The following NKD1 variants were observed in gnomAD, a reference collection of about 807,000 sequenced individuals.
NKD1 encodes the protein NKD inhibitor of Wnt signaling pathway 1.
Under a neutral mutation model 56.0 loss-of-function variants are expected in NKD1, and 21 were observed. That is an observed-to-expected ratio of 0.38 (90% CI 0.27 to 0.54). The LOEUF is 0.54. Among genes scored for constraint, NKD1 ranks in the 20% least tolerant of loss-of-function variants. The probability of loss-of-function intolerance (pLI) is 0.82; values close to 1 mark genes in which losing one functional copy is unlikely to be tolerated. For missense variants in NKD1, 578 were observed against 642.7 expected, an observed-to-expected ratio of 0.90 and a Z score of 1.09; for synonymous variants, 263 against 265.7, an observed-to-expected ratio of 0.99 and a Z score of 0.10.
chr16:50,571,643 G>A (rs1193317333), intron 3 of NKD1: 3 of 477,216 alleles, frequency 6.3e-6, no homozygotes, highest in African/African-American at 4.2e-5. Context: ...GCTGCCAGAT[G>A]GACACCTTTC....
chr16:50,587,158 C>G (rs1961248221), intron 3 of NKD1, among the ~76,000 whole-genome samples: 1 of 152,186 alleles, frequency 6.6e-6, no homozygotes, highest in South Asian at 2.1e-4. Flanking sequence ...TTCTGGTCAT[C>G]CCTATACCAG....
chr16:50,575,903 C>T (rs1478961110), intron 3 of NKD1, among the ~76,000 whole-genome samples: 1 of 152,128 alleles, frequency 6.6e-6, no homozygotes, highest in Non-Finnish European at 1.5e-5. Flanking sequence ...GTGCTGCTGG[C>T]CTCTAGCAGG....
chr16:50,640,258 GC>G lies in NKD1; in HGVS notation c.*6480del, dbSNP rs895460559. The G allele has an allele frequency of 6.6e-6, 1 of 152,244 alleles. No homozygotes were observed. The highest frequency in any genetic ancestry group is 2.4e-5 in the African/African-American group (1 of 41,436). 9.4% of individuals were successfully genotyped at this position (152,244 alleles called of 1,614,324 possible). ...AGCAGGAAGACCAAGACCTTCAGGG[GC>G]CCTAAGCACTGAAAACATCATTCCT... On this transcript the variant is annotated 3_prime_UTR_variant, in exon 10 of 10. Coordinates refer to ENST00000268459, the MANE Select transcript of NKD1 (RefSeq NM_033119.5).
chr16:50,612,352 C>G (rs1258367843), intron 4 of NKD1, among the ~76,000 whole-genome samples: 3 of 152,190 alleles, frequency 2.0e-5, no homozygotes, highest in African/African-American at 7.2e-5. Context: ...AGGGAAGTGA[C>G]CTGTCCAGGG....
chr16:50,597,850 G>A (rs1267144549), intron 3 of NKD1, among the ~76,000 whole-genome samples: 1 of 152,186 alleles, frequency 6.6e-6, no homozygotes, highest in Non-Finnish European at 1.5e-5. Flanking sequence ...GCGAACTGCT[G>A]AGTTTCAGAA....
At position 50,636,101 on chromosome 16, in the gene NKD1, G is replaced by C. The variant is rs1476573910; in HGVS notation, c.*2320G>C. ...GCAGGATTCTGCTTGGCTGGGCTTC[G>C]ATCTGGTACCCATAGCTGGACCAAT... On this transcript the variant is annotated 3_prime_UTR_variant, in exon 10 of 10. Transcript: ENST00000268459. The C allele has an allele frequency of 6.6e-6, 1 of 152,240 alleles. No homozygotes were observed. The highest frequency in any genetic ancestry group is 1.5e-5 in the Non-Finnish European group (1 of 68,060). The allele number at this position is 152,240 out of a possible 1,614,324, so 9.4% of individuals were successfully genotyped here.
At chr16:50,579,646 G>A (rs1267392618) in intron 3 of NKD1, among the ~76,000 whole-genome samples, 19 of 139,122 alleles carry the variant, frequency 1.4e-4, no homozygotes, top group Non-Finnish European at 2.8e-4. Flanking sequence ...TTACTCCTGC[G>A]GGGTACCCGC....
At chr16:50,592,351 C>T (rs1024561131) in intron 3 of NKD1, among the ~76,000 whole-genome samples, 3 of 152,236 alleles carry the variant, frequency 2.0e-5, no homozygotes, top group African/African-American at 4.8e-5. Context: ...TAGCCCTGCC[C>T]CATGCCCTCC....
At chr16:50,614,005 G>T (rs886511655) in intron 4 of NKD1, among the ~76,000 whole-genome samples, 22 of 152,116 alleles carry the variant, frequency 1.4e-4, no homozygotes, top group Admixed American at 1.2e-3. Flanking sequence ...AGTTACAATT[G>T]GTCCATAAGC....
chr16:50,632,496 T>C lies in NKD1; in HGVS notation c.823+88T>C. 7.6e-7 allele frequency: 1 copy of C among 1,318,604 alleles called. No homozygotes were observed. The highest frequency in any genetic ancestry group is 1.1e-6 in the Non-Finnish European group (1 of 925,264). The allele number at this position is 1,318,604 out of a possible 1,614,324, so 81.7% of individuals were successfully genotyped here. A position where few individuals can be genotyped will look rare whatever the true frequency, so the allele number is the denominator to read the frequency against. ...GGGCCGTGCGGGTGGTGTTCACTGC[T>C]ACCCCAGGCTTCGGTAAGACAACTA... On this transcript the variant is annotated intron_variant, in intron 9 of 9. Coordinates refer to ENST00000268459, the MANE Select transcript of NKD1 (RefSeq NM_033119.5). The surrounding 1 kb of genome is among the most constrained non-coding windows in gnomAD (Gnocchi z 4.1).
In NKD1 at chr16:50,634,243, T is replaced by TTATA. The variant is rs1347988218; in HGVS notation, c.*464_*465insTATA. The TTATA allele has an allele frequency of 1.3e-5, 2 of 154,768 alleles. No individual in the cohort carries two copies. The highest frequency in any genetic ancestry group is 2.9e-5 in the Non-Finnish European group (2 of 69,486). 9.6% of individuals were successfully genotyped at this position (154,768 alleles called of 1,614,324 possible). On this transcript the variant is annotated 3_prime_UTR_variant, in exon 10 of 10. Coordinates refer to ENST00000268459, the MANE Select transcript of NKD1 (RefSeq NM_033119.5). ...GTATTATTCTGATTTTATTTTGCCCTTAACTGATTGTTATATGCTACAAGG... is the reference window on the plus strand; with the variant it reads ...GTATTATTCTGATTTTATTTTGCCCTTATATAACTGATTGTTATATGCTACAAGG...
chr16:50,571,529 C>T (rs528748809), intron 3 of NKD1: 7 of 985,360 alleles, frequency 7.1e-6, no homozygotes, highest in South Asian at 4.7e-5. Context: ...GACCCATCTG[C>T]GCTCCCAGCC....
In NKD1 at chr16:50,644,844, C is replaced by T. The variant is rs946702702; in HGVS notation, c.*11063C>T. 6.6e-6 allele frequency: 1 copy of T among 152,370 alleles called. No individual in the cohort carries two copies. The highest frequency in any genetic ancestry group is 1.5e-5 in the Non-Finnish European group (1 of 68,080). The allele number at this position is 152,370 out of a possible 1,614,324, so 9.4% of individuals were successfully genotyped here. ...TCCCGCCTTCCCTTCCTTCCCTCCT[C>T]CCTCCTTTCTTCACTGGGGAGAAAG... is the stretch of plus-strand genomic sequence containing the variant. On this transcript the variant is annotated 3_prime_UTR_variant, in exon 10 of 10. Coordinates refer to ENST00000268459, the MANE Select transcript of NKD1 (RefSeq NM_033119.5).
In NKD1 at chr16:50,637,670, G is replaced by A. The variant is rs928854108; in HGVS notation, c.*3889G>A. On this transcript the variant is annotated 3_prime_UTR_variant, in exon 10 of 10. Coordinates refer to ENST00000268459, the MANE Select transcript of NKD1 (RefSeq NM_033119.5). ...GAAGGAAGGAGGGAAAATTAGAAGG[G>A]GAAACCATGATTGCTGGTGAGGTTT... is the stretch of plus-strand genomic sequence containing the variant. 1 of 152,250 alleles carries A rather than the reference G, an allele frequency of 6.6e-6. No homozygotes were observed. Among genetic ancestry groups the A allele is most frequent in the South Asian group, 2.1e-4 (1 of 4,822 alleles). The allele number at this position is 152,250 out of a possible 1,614,324, so 9.4% of individuals were successfully genotyped here.
chr16:50,561,749 A>G (rs1048969913), intron 3 of NKD1, among the ~76,000 whole-genome samples: 1 of 152,204 alleles, frequency 6.6e-6, no homozygotes, highest in Non-Finnish European at 1.5e-5. Context: ...CATTCTCTTC[A>G]TTAAAGCAAG....
chr16:50,583,393 G>A (rs1423289242), intron 3 of NKD1, among the ~76,000 whole-genome samples: 1 of 152,126 alleles, frequency 6.6e-6, no homozygotes, highest in Admixed American at 6.5e-5. Flanking sequence ...CCCAATTAGT[G>A]TCCCAGCTGA....
At chr16:50,615,346 T>C (rs986150247) in intron 4 of NKD1, among the ~76,000 whole-genome samples, 1 of 152,216 alleles carries the variant, frequency 6.6e-6, no homozygotes, top group Non-Finnish European at 1.5e-5. Context: ...TATAGACATA[T>C]ATATCTCAGG....
chr16:50,581,062 A>T (rs963483673), intron 3 of NKD1, among the ~76,000 whole-genome samples: 1 of 152,164 alleles, frequency 6.6e-6, no homozygotes, highest in African/African-American at 2.4e-5. Context: ...TATGCCTTTT[A>T]TGCAAATATT....
chr16:50,615,254 A>G lies in NKD1; in HGVS notation c.260-6348A>G, dbSNP rs142097648. ...TTTGTTCCACAACTTCTGGGTTCAAATCCTGGTTCTGCTACTTACCGTTGT... is the reference window on the plus strand; with the variant it reads ...TTTGTTCCACAACTTCTGGGTTCAAGTCCTGGTTCTGCTACTTACCGTTGT... On this transcript the variant is annotated intron_variant, in intron 4 of 9. Coordinates refer to ENST00000268459, the MANE Select transcript of NKD1 (RefSeq NM_033119.5). Among the ~76,000 whole-genome samples, 12 of 152,292 alleles carry G rather than the reference A, an allele frequency of 7.9e-5. No individual in the cohort carries two copies. In the East Asian group the frequency reaches 2.3e-3, roughly 29 times the overall value.
Sources: allele counts gnomAD v4.1 joint callset (sites outside exome capture counted in the v4.1 genomes callset), GRCh38; gene constraint gnomAD v4.1.1; non-coding constraint Gnocchi (gnomAD v3.1); transcripts MANE v1.5; gene names NCBI Gene and HGNC (gene_info 2026-07-23, HGNC 2026-07-21).